The following SLC38A10 variants were observed in gnomAD, a reference collection of about 807,000 sequenced individuals.
The protein encoded by SLC38A10 is Sodium-coupled neutral amino acid transporter 10.
In SLC38A10, 53 loss-of-function variants were observed where a neutral mutation model predicts 81.0. The observed-to-expected ratio is 0.65, with a 90% confidence interval of 0.53 to 0.82. The LOEUF (loss-of-function observed/expected upper bound fraction) is 0.82, where lower values mean the gene tolerates loss of function less well. SLC38A10 is among the 40% of genes least tolerant of loss of function. The pLI, the probability that SLC38A10 is intolerant of heterozygous loss-of-function variation, is 0.00. For synonymous variants in SLC38A10, 665 were observed against 655.3 expected, an observed-to-expected ratio of 1.01 and a Z score of -0.23; for missense variants, 1,471 against 1,545.0, an observed-to-expected ratio of 0.95 and a Z score of 0.80.
intron 6 of SLC38A10, 143 bp downstream of exon 6, chr17:81,280,466 G>A: frequency 7.9e-7 from 1 of 1,272,422 alleles, no homozygotes; most frequent in Non-Finnish European, 1.1e-6. Context: ...CCTGGGGCGG[G>A]AAAGGTCATC....
At chr17:81,255,299 G>A (rs1164267744) in intron 11 of SLC38A10, among the ~76,000 whole-genome samples, 1 of 152,262 alleles carries the variant, frequency 6.6e-6, no homozygotes, top group African/African-American at 2.4e-5. Flanking sequence ...CTGTCTGCGG[G>A]CAATGCACAC....
In SLC38A10 at chr17:81,260,169, G is replaced by A. The variant is rs1402906267; in HGVS notation, c.1288+69C>T. 2.2e-5 allele frequency: 33 copies of A among 1,509,698 alleles called. 1 individual carries two copies. Among genetic ancestry groups the A allele is most frequent in the South Asian group, 2.0e-4 (15 of 76,758 alleles). The allele number at this position is 1,509,698 out of a possible 1,614,324, so 93.5% of individuals were successfully genotyped here. Reference sequence around the variant, plus strand: ...CACTGAGCAGGTAAGCACAATCCTCGGACCAGACCCAGGAGACACCCAGTG... The same window carrying A: ...CACTGAGCAGGTAAGCACAATCCTCAGACCAGACCCAGGAGACACCCAGTG... On this transcript the variant is annotated intron_variant, in intron 11 of 15. Coordinates refer to ENST00000374759, the MANE Select transcript of SLC38A10 (RefSeq NM_001037984.3).
chr17:81,290,539 G>A (rs930975631), intron 1 of SLC38A10, among the ~76,000 whole-genome samples: 2 of 152,186 alleles, frequency 1.3e-5, no homozygotes, highest in Non-Finnish European at 2.9e-5. Flanking sequence ...TCTGTTTACA[G>A]GAAACTCAGA....
Position 81,295,128 on chromosome 17 carries a change from C to T in SLC38A10, c.-207G>A. 1 of 898,026 alleles carries T rather than the reference C, an allele frequency of 1.1e-6. No individual in the cohort carries two copies. The highest frequency in any genetic ancestry group is 1.4e-6 in the Non-Finnish European group (1 of 695,938). 55.6% of individuals were successfully genotyped at this position (898,026 alleles called of 1,614,324 possible). A position where few individuals can be genotyped will look rare whatever the true frequency, so the allele number is the denominator to read the frequency against. ...TGGAGGAGGCAGCCTCGAAGGCCGG[C>T]TGCGGGGGCGAGGTCAACCTCCGGA... is the stretch of plus-strand genomic sequence containing the variant. On this transcript the variant is annotated 5_prime_UTR_variant, in exon 1 of 16. Transcript: ENST00000374759.
Position 81,275,976 on chromosome 17 carries a change from T to A in SLC38A10, c.905A>T (p.Glu302Val). ...GTGCCCCGAGGGTCTTACCTGCTGC[T>A]CACACAGCAGCGTGCTCAGGGCCTG... ...CRQALSTLLC[E>V]QQQKDGTFAA... The change falls in exon 8 of 16, where the codon GAG (glutamate) becomes GTG (valine). Residue 302 changes from glutamate (E) to valine (V), a missense_variant. Glu to Val is a moderately radical substitution (Grantham distance 121, BLOSUM62 -2). Transcript: ENST00000374759. 6.2e-7 allele frequency: 1 copy of A among 1,613,348 alleles called. No individual in the cohort carries two copies. The highest frequency in any genetic ancestry group is 8.5e-7 in the Non-Finnish European group (1 of 1,179,822).
At chr17:81,282,059 C>A in intron 5 of SLC38A10, 130 bp downstream of exon 5, 1 of 1,330,484 alleles carries the variant, frequency 7.5e-7, no homozygotes, top group Admixed American at 1.8e-5. Context: ...GTACATCCTG[C>A]TACTTCCAAC....
rs868770033 is a variant in SLC38A10 at position 81,252,357 on chromosome 17, C to T, written c.1783G>A (p.Asp595Asn). 1 of 1,613,172 alleles carries T rather than the reference C, an allele frequency of 6.2e-7. No individual in the cohort carries two copies. The highest frequency in any genetic ancestry group is 1.7e-5 in the Admixed American group (1 of 60,020). The change falls in exon 13 of 16, where the codon GAC (aspartate) becomes AAC (asparagine). Residue 595 changes from aspartate (D) to asparagine (N), a missense_variant. Asp to Asn is a conservative substitution (Grantham distance 23). Coordinates refer to ENST00000374759, the MANE Select transcript of SLC38A10 (RefSeq NM_001037984.3). ...GQPAVQPAKE[D>N]LGPGDRGLHP... The stretch of plus-strand genomic sequence containing the variant: ...AGGCCCCTGTCTCCTGGCCCCAGGT[C>T]CTCCTTTGCAGGCTGGACAGCTGGC...
intron 14 of SLC38A10, among the ~76,000 whole-genome samples, chr17:81,248,263 T>G (rs1451054766): frequency 6.6e-6 from 1 of 152,180 alleles, no homozygotes; most frequent in African/African-American, 2.4e-5. Flanking sequence ...GGCCAAAAGC[T>G]GTCTTCTAAG....
intron 14 of SLC38A10, chr17:81,249,962 C>T (rs1259682021): frequency 9.7e-7 from 1 of 1,034,998 alleles, no homozygotes; most frequent in Non-Finnish European, 1.3e-6. Flanking sequence ...TGACACGTGT[C>T]CCCATGCAGG....
At position 81,252,510 on chromosome 17, in the gene SLC38A10, C is replaced by T. The variant is rs145033168; in HGVS notation, c.1630G>A (p.Asp544Asn). The change falls in exon 13 of 16, where the codon GAC becomes AAC. Residue 544 changes from aspartate (D) to asparagine (N), a missense_variant. This residue lies in a region of SLC38A10 where 720 missense variants were observed against 827.7 expected (regional missense o/e 0.87). Transcript: ENST00000374759. ...GGCTCTTGTTTCTCTCTTTCTGAGT[C>T]GGGCAGAGGCGGCGCCATCTGGCCC... is the stretch of plus-strand genomic sequence containing the variant. ...VQGQMAPPLPDSEREKQEPEQ... is the reference protein window; with the variant it reads ...VQGQMAPPLPNSEREKQEPEQ... 54 of 1,613,212 alleles carry T rather than the reference C, an allele frequency of 3.3e-5. No individual in the cohort carries two copies. Among genetic ancestry groups the T allele is most frequent in the African/African-American group, 3.2e-4 (24 of 74,934 alleles).
intron 11 of SLC38A10, among the ~76,000 whole-genome samples, chr17:81,254,680 A>C (rs992313069): frequency 2.0e-5 from 3 of 152,208 alleles, no homozygotes; most frequent in Non-Finnish European, 4.4e-5. Context: ...TCCTGACCTC[A>C]AGTGATCCAC....
At position 81,276,710 on chromosome 17, in the gene SLC38A10, G is replaced by C. The variant is rs553591087; in HGVS notation, c.729+321C>G. Among the ~76,000 whole-genome samples, 1 of 152,204 alleles carries C rather than the reference G, an allele frequency of 6.6e-6. No individual in the cohort carries two copies. The highest frequency in any genetic ancestry group is 1.5e-5 in the Non-Finnish European group (1 of 68,032). ...CGGCCGGAACATGCCCATTTCTACA[G>C]AGAATTAACAGAGGTCTTGGAGAGA... On this transcript the variant is annotated intron_variant, in intron 7 of 15. Coordinates refer to ENST00000374759, the MANE Select transcript of SLC38A10 (RefSeq NM_001037984.3). This position sits in a 1 kb window ranked among gnomAD's most constrained non-coding sequence, Gnocchi z 4.7.
rs1435244192 is a variant in SLC38A10, at chr17:81,276,079, G to C, written c.802C>G (p.Leu268Val). The C allele has an allele frequency of 6.2e-7, 1 of 1,614,010 alleles. No homozygotes were observed. Among genetic ancestry groups the C allele is most frequent in the East Asian group, 2.2e-5 (1 of 44,878 alleles). ...GNVLMHFPSN[L>V]VTEMLRVGFM... ...CCCACACGGAGCATCTCCGTCACCA[G>C]GTTGGAGGGAAAGTGCATGAGCACG... Residue 268 changes from leucine to valine, a missense_variant, in exon 8 of 16, where the codon CTG becomes GTG. By Grantham distance (32) the Leu-to-Val change is conservative. Coordinates refer to ENST00000374759, the MANE Select transcript of SLC38A10 (RefSeq NM_001037984.3). The surrounding 1 kb of genome is among the most constrained non-coding windows in gnomAD (Gnocchi z 4.7).
Position 81,260,370 on chromosome 17 carries a change from C to T in SLC38A10, c.1156G>A (p.Val386Ile), listed in dbSNP as rs749062910. ...GTGGTGACAGTGCTCACCACCAGGA[C>T]GCCCAGGCCGACCCACAGCACCACC... Reference protein sequence around the residue: ...SQVVLWVGLGVLVVSTVTTLS... With the variant: ...SQVVLWVGLGILVVSTVTTLS... The change falls in exon 11 of 16, where the codon GTC (valine) becomes ATC (isoleucine). Residue 386 changes from valine to isoleucine, a missense_variant. Physicochemically the swap from Val to Ile is conservative, Grantham distance 29. This residue lies in a region of SLC38A10 where 720 missense variants were observed against 827.7 expected (regional missense o/e 0.87). Coordinates refer to ENST00000374759, the MANE Select transcript of SLC38A10 (RefSeq NM_001037984.3). 3.4e-5 allele frequency: 55 copies of T among 1,611,292 alleles called. No individual in the cohort carries two copies. The highest frequency in any genetic ancestry group is 6.7e-5 in the African/African-American group (5 of 74,918).
chr17:81,289,946 TC>T lies in SLC38A10; in HGVS notation c.100-139del, dbSNP rs1227915402. The stretch of plus-strand genomic sequence containing the variant: ...CCAGTCTCCTGCCGAACGCGACACT[TC>T]CTAGCACTGAAAGGGCCATTTCCTT... On this transcript the variant is annotated intron_variant, in intron 1 of 15. Transcript: ENST00000374759. This position sits in a 1 kb window ranked among gnomAD's most constrained non-coding sequence, Gnocchi z 5.9. The T allele has an allele frequency of 3.0e-6, 2 of 660,004 alleles. No individual in the cohort carries two copies. The highest frequency in any genetic ancestry group is 1.9e-5 in the African/African-American group (1 of 53,538). The allele number at this position is 660,004 out of a possible 1,614,324, so 40.9% of individuals were successfully genotyped here. A position where few individuals can be genotyped will look rare whatever the true frequency, so the allele number is the denominator to read the frequency against.
chr17:81,295,052 G>A lies in SLC38A10; in HGVS notation c.-131C>T, dbSNP rs2063337825. On this transcript the variant is annotated 5_prime_UTR_variant, in exon 1 of 16. Coordinates refer to ENST00000374759, the MANE Select transcript of SLC38A10 (RefSeq NM_001037984.3). ...GACGCCGGTGGGGAGGGGATGGGCA[G>A]CCTGAACACGGGAGCCTGAGCAGGC... The A allele has an allele frequency of 3.0e-6, 4 of 1,333,260 alleles. No individual in the cohort carries two copies. The highest frequency in any genetic ancestry group is 7.8e-5 in the Admixed American group (2 of 25,540). 82.6% of individuals were successfully genotyped at this position (1,333,260 alleles called of 1,614,324 possible).
rs1039589617 is a variant in SLC38A10, at chr17:81,253,662, C to T, written c.1289-422G>A. On this transcript the variant is annotated intron_variant, in intron 11 of 15. Transcript: ENST00000374759. The surrounding 1 kb of genome is among the most constrained non-coding windows in gnomAD (Gnocchi z 4.1). Reference sequence around the variant, plus strand: ...CTACCACCATCAACATCACCATCATCACCATCATCTCCATCCCTACCACCA... The same window carrying T: ...CTACCACCATCAACATCACCATCATTACCATCATCTCCATCCCTACCACCA... 6.6e-6 allele frequency among the ~76,000 whole-genome samples: 1 copy of T among 151,780 alleles called. No individual in the cohort carries two copies. Among genetic ancestry groups the T allele is most frequent in the East Asian group, 1.9e-4 (1 of 5,164 alleles).
chr17:81,259,236 G>T (rs1446790583), intron 11 of SLC38A10, among the ~76,000 whole-genome samples: 1 of 152,142 alleles, frequency 6.6e-6, no homozygotes, highest in Non-Finnish European at 1.5e-5. Flanking sequence ...TCACTGGCCA[G>T]CACCTCCATA....
chr17:81,272,356 C>T (rs1389719303), intron 9 of SLC38A10, among the ~76,000 whole-genome samples, 160 bp downstream of exon 9: 4 of 152,118 alleles, frequency 2.6e-5, no homozygotes, highest in African/African-American at 9.7e-5. Context: ...TTATCCCCTG[C>T]CTTTCTCTGT....
Sources: allele counts gnomAD v4.1 joint callset (sites outside exome capture counted in the v4.1 genomes callset), GRCh38; gene constraint gnomAD v4.1.1; regional missense constraint gnomAD v4.1.1; non-coding constraint Gnocchi (gnomAD v3.1); transcripts MANE v1.5; gene names NCBI Gene and HGNC (gene_info 2026-07-23, HGNC 2026-07-21).